Variants in MKLN1 observed in about 807,000 individuals in gnomAD.
The protein encoded by MKLN1 is muskelin 1.
A neutral mutation model predicts 99.0 loss-of-function variants in MKLN1; 18 were observed. The observed-to-expected ratio is 0.18, with a 90% confidence interval of 0.13 to 0.27. The LOEUF is 0.27. Ranked by LOEUF, MKLN1 falls within the 10% of genes least tolerant of loss-of-function variation. The pLI, the probability that MKLN1 is intolerant of heterozygous loss-of-function variation, is 1.00. For synonymous variants in MKLN1, 288 were observed against 293.2 expected (o/e 0.98, Z 0.18); for missense variants, 621 against 875.9 (o/e 0.71, Z 3.67).
At chr7:131,135,191 C>T (rs1026782997) in intron 1 of MKLN1, among the ~76,000 whole-genome samples, 3 of 152,232 alleles carry the variant, frequency 2.0e-5, no homozygotes, top group Non-Finnish European at 2.9e-5. Flanking sequence ...AGAGCGATCT[C>T]GGCTCATTGC....
intron 3 of MKLN1, among the ~76,000 whole-genome samples, chr7:131,228,128 A>G (rs1584851842): frequency 6.6e-6 from 1 of 151,900 alleles, no homozygotes; most frequent in African/African-American, 2.4e-5. Context: ...CAGTGGTGCA[A>G]CCTCCACTCA....
chr7:131,440,496 A>G (rs1168713615), intron 10 of MKLN1, among the ~76,000 whole-genome samples: 1 of 152,210 alleles, frequency 6.6e-6, no homozygotes, highest in Non-Finnish European at 1.5e-5. Context: ...CTAAAAAGCA[A>G]TAAATAACAA....
At chr7:131,396,007 T>TA (rs1794348062) in intron 4 of MKLN1, among the ~76,000 whole-genome samples, 1 of 152,012 alleles carries the variant, frequency 6.6e-6, no homozygotes, top group Admixed American at 6.6e-5. Flanking sequence ...ATTGTAGGTA[T>TA]AGGAAAAGTT....
At chr7:131,218,304 G>C (rs1304990054) in intron 3 of MKLN1, among the ~76,000 whole-genome samples, 4 of 152,124 alleles carry the variant, frequency 2.6e-5, no homozygotes, top group African/African-American at 9.7e-5. Flanking sequence ...GTTTTTAAAG[G>C]CAAGTTATAA....
chr7:131,202,131 CT>C (rs1171817064), intron 2 of MKLN1, among the ~76,000 whole-genome samples: 9 of 110,466 alleles, frequency 8.1e-5, no homozygotes, highest in South Asian at 5.6e-4. Context: ...GGTTTCTCCA[CT>C]TTGGCACTAT....
At chr7:131,168,598 A>G (rs1796169723) in intron 2 of MKLN1, among the ~76,000 whole-genome samples, 2 of 151,356 alleles carry the variant, frequency 1.3e-5, no homozygotes, top group African/African-American at 4.8e-5. Flanking sequence ...GTATTTACTT[A>G]TTTATTATAA....
chr7:131,422,842 C>A, intron 8 of MKLN1, among the ~76,000 whole-genome samples: 1 of 151,894 alleles, frequency 6.6e-6, no homozygotes, highest in Non-Finnish European at 1.5e-5. Context: ...AGCTTTCTTC[C>A]CTCCTAAGGG....
At chr7:131,419,988 C>T (rs1442527852) in intron 8 of MKLN1, among the ~76,000 whole-genome samples, 1 of 152,020 alleles carries the variant, frequency 6.6e-6, no homozygotes, top group Non-Finnish European at 1.5e-5. Flanking sequence ...TATTGCTCAC[C>T]TGAGAAGTGA....
At position 131,466,389 on chromosome 7, in the gene MKLN1, T is replaced by C. The variant is rs749845553; in HGVS notation, c.1902T>C (p.His634=). The change falls in exon 15 of 18, where the codon CAT becomes CAC. Residue 634 remains histidine, a synonymous_variant. Transcript: ENST00000352689. ...CRPSKDYLLR[H]CKYLIRKHRF... ...CTTCAAAAGATTATTTACTGAGGCA[T>C]TGCAAGTACCTCATAAGAAAACACA... is the stretch of plus-strand genomic sequence containing the variant. 4 of 1,594,554 alleles carry C rather than the reference T, an allele frequency of 2.5e-6. No individual in the cohort carries two copies. The highest frequency in any genetic ancestry group is 1.1e-5 in the South Asian group (1 of 88,438).
At chr7:131,482,616 A>T (rs554791541) in intron 17 of MKLN1, among the ~76,000 whole-genome samples, 1 of 152,310 alleles carries the variant, frequency 6.6e-6, no homozygotes, top group Non-Finnish European at 1.5e-5. Flanking sequence ...ATTCCTAGCC[A>T]GGCATGGTGG....
intron 2 of MKLN1, among the ~76,000 whole-genome samples, chr7:131,200,175 A>C (rs75935319): frequency 0.042 from 6,346 of 152,268 alleles, 429 homozygotes; most frequent in African/African-American, 0.14. Flanking sequence ...ACCTGACCTA[A>C]TGTGTTACTT....
At position 131,110,617 on chromosome 7, in the gene MKLN1, C is replaced by T. The variant is rs527690682; in HGVS notation, c.-419+410C>T. 3.9e-5 allele frequency among the ~76,000 whole-genome samples: 6 copies of T among 152,324 alleles called. No homozygotes were observed. In the South Asian group the frequency reaches 8.3e-4, roughly 21 times the overall value. Reference sequence around the variant, plus strand: ...TGAAAGGGATGGGAAACCTGCCCAACCTCACTTTAGCCACGAAAATAATGC... The same window carrying T: ...TGAAAGGGATGGGAAACCTGCCCAATCTCACTTTAGCCACGAAAATAATGC... On this transcript the variant is annotated intron_variant, in intron 1 of 7. Transcript: ENST00000416992.
chr7:131,290,259 C>G (rs4728216), intron 3 of MKLN1, among the ~76,000 whole-genome samples: 1 of 152,076 alleles, frequency 6.6e-6, no homozygotes, highest in Non-Finnish European at 1.5e-5. Context: ...GAGCCGAGAT[C>G]GCACCATTGC....
At chr7:131,373,674 A>G (rs1793538719) in intron 1 of MKLN1, among the ~76,000 whole-genome samples, 3 of 152,200 alleles carry the variant, frequency 2.0e-5, no homozygotes, top group Admixed American at 2.0e-4. Context: ...AAAAGTTGCA[A>G]AGATGGCATA....
At position 131,225,938 on chromosome 7, in the gene MKLN1, T is replaced by TGTG. The variant is rs1192402154; in HGVS notation, c.-179+22965_-179+22967dup. Among the ~76,000 whole-genome samples the TGTG allele has an allele frequency of 2.0e-5, 3 of 152,284 alleles. No individual in the cohort carries two copies. The East Asian group carries it at 5.8e-4, about 29-fold the overall frequency. ...CAGTCAGCTGTTACTGGGTGGGACT[T>TGTG]GTGAACTGGTGGGCTGGTGGCAGCC... On this transcript the variant is annotated intron_variant, in intron 3 of 7. Transcript: ENST00000416992.
intron 1 of MKLN1, among the ~76,000 whole-genome samples, chr7:131,364,013 C>T (rs973139917): frequency 6.6e-6 from 1 of 152,048 alleles, no homozygotes; most frequent in Non-Finnish European, 1.5e-5. Flanking sequence ...GTAAAATCCC[C>T]TTCTTACTAT....
At chr7:131,473,229 A>G (rs536786060) in intron 16 of MKLN1, among the ~76,000 whole-genome samples, 20 of 152,002 alleles carry the variant, frequency 1.3e-4, no homozygotes, top group Non-Finnish European at 2.2e-4. Context: ...AAATCATTCC[A>G]CTCATTGAGA....
chr7:131,193,071 T>C (rs947861715), intron 2 of MKLN1, among the ~76,000 whole-genome samples: 2 of 152,184 alleles, frequency 1.3e-5, no homozygotes, highest in African/African-American at 4.8e-5. Flanking sequence ...TATTCTAATA[T>C]GCTAACTTCC....
chr7:131,496,548 G>A lies in MKLN1; in HGVS notation c.*8820G>A, dbSNP rs1797567310. On this transcript the variant is annotated 3_prime_UTR_variant, in exon 18 of 18. Coordinates refer to ENST00000352689, the MANE Select transcript of MKLN1 (RefSeq NM_013255.5). ...GAGTGATCTGCTAAAAATGGCAATT[G>A]TAGAATTATGTTGTATGTAATGTAC... 1 of 151,972 alleles carries A rather than the reference G, an allele frequency of 6.6e-6. No homozygotes were observed. The highest frequency in any genetic ancestry group is 2.4e-5 in the African/African-American group (1 of 41,302). 9.4% of individuals were successfully genotyped at this position (151,972 alleles called of 1,614,324 possible). A position where few individuals can be genotyped will look rare whatever the true frequency, so the allele number is the denominator to read the frequency against.
Sources: gnomAD v4.1 joint callset for allele counts (sites outside exome capture counted in the v4.1 genomes callset) on GRCh38, gnomAD v4.1.1 for gene constraint, MANE v1.5 for transcripts, NCBI Gene and HGNC (gene_info 2026-07-23, HGNC 2026-07-21) for gene names.